Variants in CCND1 observed in about 807,000 individuals in gnomAD.
CCND1 encodes the protein G1/S-specific cyclin-D1.
Under a neutral mutation model 26.1 loss-of-function variants are expected in CCND1, and 9 were observed. The ratio of observed to expected loss-of-function variants is 0.35; its 90% CI spans 0.21 to 0.60. The LOEUF (loss-of-function observed/expected upper bound fraction) is 0.60, where lower values mean the gene tolerates loss of function less well. Among genes scored for constraint, CCND1 ranks in the 20% least tolerant of loss-of-function variants. CCND1 has a pLI of 0.79. For synonymous variants in CCND1, 194 were observed against 166.1 expected, an observed-to-expected ratio of 1.17 and a Z score of -1.29; for missense variants, 335 against 392.9, an observed-to-expected ratio of 0.85 and a Z score of 1.25.
chr11:69,653,633 TC>T lies in CCND1; in HGVS notation c.*2355del. The T allele has an allele frequency of 2.3e-6, 1 of 433,478 alleles. No homozygotes were observed. The highest frequency in any genetic ancestry group is 3.2e-5 in the South Asian group (1 of 31,520). 26.9% of individuals were successfully genotyped at this position (433,478 alleles called of 1,614,324 possible). A position where few individuals can be genotyped will look rare whatever the true frequency, so the allele number is the denominator to read the frequency against. ...CGCGTGCGTGAGAACCGCGCCGGTG[TC>T]CCCAGAGACCAGGCTGTGTCCCTCT... On this transcript the variant is annotated 3_prime_UTR_variant, in exon 5 of 5. Coordinates refer to ENST00000227507, the MANE Select transcript of CCND1 (RefSeq NM_053056.3).
intron 2 of CCND1, 32 bp from the exon 3 acceptor site, chr11:69,643,800 T>A (rs1424496147): frequency 2.5e-6 from 4 of 1,582,610 alleles, no homozygotes; most frequent in Non-Finnish European, 3.4e-6. Flanking sequence ...GGCCCGCACC[T>A]CCCCTGATGG....
At chr11:69,649,511 A>C (rs1855828828) in intron 4 of CCND1, among the ~76,000 whole-genome samples, 1 of 152,336 alleles carries the variant, frequency 6.6e-6, no homozygotes, top group East Asian at 1.9e-4. Context: ...AACCGTCCAC[A>C]GCAGAGGCCC....
chr11:69,641,457 G>A lies in CCND1; in HGVS notation c.144G>A (p.Val48=), dbSNP rs771611527. 1.9e-6 allele frequency: 3 copies of A among 1,613,448 alleles called. No individual in the cohort carries two copies. Among genetic ancestry groups the A allele is most frequent in the Non-Finnish European group, 2.5e-6 (3 of 1,180,034 alleles). ...CCTCGGTGTCCTACTTCAAATGTGT[G>A]CAGAAGGAGGTCCTGCCGTCCATGC... ...CAPSVSYFKC[V]QKEVLPSMRK... Residue 48 remains valine, a synonymous_variant, in exon 1 of 5, where the codon GTG becomes GTA. Transcript: ENST00000227507.
Position 69,654,153 on chromosome 11 carries a change from C to T in CCND1, c.*2871C>T. ...CCACCCCTCCAGAACACGGCTCACGCTTACCTCAACCATCCTGGCTGCGGC... is the reference window on the plus strand; with the variant it reads ...CCACCCCTCCAGAACACGGCTCACGTTTACCTCAACCATCCTGGCTGCGGC... On this transcript the variant is annotated 3_prime_UTR_variant, in exon 5 of 5. Coordinates refer to ENST00000227507, the MANE Select transcript of CCND1 (RefSeq NM_053056.3). This position sits in a 1 kb window ranked among gnomAD's most constrained non-coding sequence, Gnocchi z 6.3. The T allele has an allele frequency of 1.4e-6, 1 of 698,900 alleles. No homozygotes were observed. Among genetic ancestry groups the T allele is most frequent in the Non-Finnish European group, 2.6e-6 (1 of 383,546 alleles). The allele number at this position is 698,900 out of a possible 1,614,324, so 43.3% of individuals were successfully genotyped here.
At chr11:69,647,358 C>T (rs1451156387) in intron 3 of CCND1, among the ~76,000 whole-genome samples, 3 of 152,088 alleles carry the variant, frequency 2.0e-5, no homozygotes, top group South Asian at 2.1e-4. Context: ...TGAGCCAAGC[C>T]GGGCTCTCCT....
chr11:69,641,563 G>T, intron 1 of CCND1, 52 bp downstream of exon 1: 1 of 1,570,626 alleles, frequency 6.4e-7, no homozygotes, highest in South Asian at 1.1e-5. Context: ...TTGTTGCCCA[G>T]ACCCACGTTT....
At chr11:69,642,410 A>C (rs1373098048) in intron 1 of CCND1, among the ~76,000 whole-genome samples, 1 of 149,910 alleles carries the variant, frequency 6.7e-6, no homozygotes, top group Non-Finnish European at 1.5e-5. Flanking sequence ...CGAGAGGGAA[A>C]CGCCGCCCGC....
At position 69,641,254 on chromosome 11, in the gene CCND1, C is replaced by A. The variant is rs926222547; in HGVS notation, c.-60C>A. The A allele has an allele frequency of 1.3e-6, 2 of 1,511,956 alleles. No homozygotes were observed. Among genetic ancestry groups the A allele is most frequent in the Non-Finnish European group, 1.8e-6 (2 of 1,100,586 alleles). 93.7% of individuals were successfully genotyped at this position (1,511,956 alleles called of 1,614,324 possible). On this transcript the variant is annotated 5_prime_UTR_variant, in exon 1 of 5. Coordinates refer to ENST00000227507, the MANE Select transcript of CCND1 (RefSeq NM_053056.3). ...AGCGCGGGGCAGCAGAAGCGAGAGC[C>A]GAGCGCGGACCCAGCCAGGACCCAC...
Position 69,641,463 on chromosome 11 carries a change from G to A in CCND1, c.150G>A (p.Lys50=). The part of the protein sequence containing the change: ...PSVSYFKCVQ[K]EVLPSMRKIV... ...TGTCCTACTTCAAATGTGTGCAGAAGGAGGTCCTGCCGTCCATGCGGAAGA... is the reference window on the plus strand; with the variant it reads ...TGTCCTACTTCAAATGTGTGCAGAAAGAGGTCCTGCCGTCCATGCGGAAGA... Residue 50 remains lysine, a synonymous_variant, in exon 1 of 5, where the codon AAG becomes AAA. Coordinates refer to ENST00000227507, the MANE Select transcript of CCND1 (RefSeq NM_053056.3). 4.3e-6 allele frequency: 7 copies of A among 1,613,446 alleles called. No homozygotes were observed. Among genetic ancestry groups the A allele is most frequent in the Non-Finnish European group, 5.9e-6 (7 of 1,180,034 alleles).
Position 69,651,134 on chromosome 11 carries a change from G to T in CCND1, c.740G>T (p.Cys247Phe), listed in dbSNP as rs1417190579. The change falls in exon 5 of 5, where the codon TGC becomes TTC. Residue 247 changes from cysteine to phenylalanine, a missense_variant. Transcript: ENST00000227507. The stretch of plus-strand genomic sequence containing the variant: ...CTCTCTCAGGACTGCCTCCGGGCCT[G>T]CCAGGAGCAGATCGAAGCCCTGCTG... ...IKCDPDCLRA[C>F]QEQIEALLES... The T allele has an allele frequency of 1.2e-6, 2 of 1,613,120 alleles. No homozygotes were observed. The highest frequency in any genetic ancestry group is 1.7e-5 in the Admixed American group (1 of 59,964).
At position 69,651,966 on chromosome 11, in the gene CCND1, G is replaced by A. The variant is rs1855861383; in HGVS notation, c.*684G>A. On this transcript the variant is annotated 3_prime_UTR_variant, in exon 5 of 5. Transcript: ENST00000227507. ...CACCTCTTGGTTACAGTAGCGTAGCGTGCCCGTGTGCATGTCCTTTGCGCC... is the reference window on the plus strand; with the variant it reads ...CACCTCTTGGTTACAGTAGCGTAGCATGCCCGTGTGCATGTCCTTTGCGCC... 1.7e-5 allele frequency: 4 copies of A among 232,870 alleles called. No homozygotes were observed. Among genetic ancestry groups the A allele is most frequent in the African/African-American group, 4.4e-5 (2 of 45,280 alleles). The allele number at this position is 232,870 out of a possible 1,614,324, so 14.4% of individuals were successfully genotyped here.
intron 4 of CCND1, 87 bp downstream of exon 4, chr11:69,648,229 AG>A: frequency 6.6e-7 from 1 of 1,506,136 alleles, no homozygotes. Flanking sequence ...GCTGGTGCCA[AG>A]GCCCCCAAGG....
In CCND1 at chr11:69,652,187, A is replaced by C; in HGVS notation, c.*905A>C. 1 of 233,686 alleles carries C rather than the reference A, an allele frequency of 4.3e-6. No individual in the cohort carries two copies. Among genetic ancestry groups the C allele is most frequent in the Non-Finnish European group, 8.5e-6 (1 of 118,044 alleles). 14.5% of individuals were successfully genotyped at this position (233,686 alleles called of 1,614,324 possible). Reference sequence around the variant, plus strand: ...CTATTTTTGTAGTGACCTGTTTATGAGATGCTGGTTTTCTACCCAACGGCC... The same window carrying C: ...CTATTTTTGTAGTGACCTGTTTATGCGATGCTGGTTTTCTACCCAACGGCC... On this transcript the variant is annotated 3_prime_UTR_variant, in exon 5 of 5. Coordinates refer to ENST00000227507, the MANE Select transcript of CCND1 (RefSeq NM_053056.3).
In CCND1 at chr11:69,651,194, A is replaced by G. The variant is rs377271027; in HGVS notation, c.800A>G (p.Asp267Gly). The G allele has an allele frequency of 9.1e-5, 146 of 1,608,686 alleles. No individual in the cohort carries two copies. Among genetic ancestry groups the G allele is most frequent in the Non-Finnish European group, 1.2e-4 (137 of 1,177,138 alleles). ...SSLRQAQQNM[D>G]PKAAEEEEEE... ...CTGCGCCAGGCCCAGCAGAACATGG[A>G]CCCCAAGGCCGCCGAGGAGGAGGAA... Residue 267 changes from aspartate (D) to glycine (G), a missense_variant, in exon 5 of 5, where the codon GAC (aspartate) becomes GGC (glycine). Physicochemically the swap from Asp to Gly is moderately conservative, Grantham distance 94. Coordinates refer to ENST00000227507, the MANE Select transcript of CCND1 (RefSeq NM_053056.3).
At chr11:69,642,946 C>G (rs1182004065) in intron 1 of CCND1, 85 bp from the exon 2 acceptor site, 3 of 1,061,154 alleles carry the variant, frequency 2.8e-6, no homozygotes, top group Non-Finnish European at 3.8e-6. Context: ...CCTGGCGGCC[C>G]TGCCAAGCGC....
In CCND1 at chr11:69,651,500, A is replaced by T. The variant is rs1855855393; in HGVS notation, c.*218A>T. On this transcript the variant is annotated 3_prime_UTR_variant, in exon 5 of 5. Coordinates refer to ENST00000227507, the MANE Select transcript of CCND1 (RefSeq NM_053056.3). ...CCCAAAAACTGTCTTTAAAAGAGAG[A>T]GAGAGAAAAAAAAAATAGTATTTGC... is the stretch of plus-strand genomic sequence containing the variant. 1 of 426,084 alleles carries T rather than the reference A, an allele frequency of 2.3e-6. No individual in the cohort carries two copies. The highest frequency in any genetic ancestry group is 4.1e-6 in the Non-Finnish European group (1 of 246,086). 26.4% of individuals were successfully genotyped at this position (426,084 alleles called of 1,614,324 possible).
intron 4 of CCND1, among the ~76,000 whole-genome samples, chr11:69,649,618 G>A (rs1267616904): frequency 7.9e-5 from 12 of 152,232 alleles, no homozygotes; most frequent in Non-Finnish European, 1.6e-4. Context: ...GTGACTTTTC[G>A]CGGAGGAGCG....
At chr11:69,643,411 T>A (rs536919025) in intron 2 of CCND1, 165 bp downstream of exon 2, 1 of 543,388 alleles carries the variant, frequency 1.8e-6, no homozygotes, top group Admixed American at 4.2e-5. Context: ...GCGGGCGGGA[T>A]CCTAGCCGCC....
chr11:69,644,881 ATC>A (rs1376984221), intron 3 of CCND1, among the ~76,000 whole-genome samples: 2 of 152,086 alleles, frequency 1.3e-5, no homozygotes, highest in Admixed American at 6.5e-5. Context: ...CAGTTGTCAC[ATC>A]TGTTTGGGGG....
Sources: gnomAD v4.1 joint callset for allele counts (sites outside exome capture counted in the v4.1 genomes callset) on GRCh38, gnomAD v4.1.1 for gene constraint, Gnocchi (gnomAD v3.1) non-coding constraint, MANE v1.5 for transcripts, NCBI Gene and HGNC (gene_info 2026-07-23, HGNC 2026-07-21) for gene names.